The following SNTG1 variants were observed in gnomAD, a reference collection of about 807,000 sequenced individuals.
The protein encoded by SNTG1 is syntrophin gamma 1.
SNTG1 carries 39 observed loss-of-function variants against 74.7 expected under a neutral mutation model. That is an observed-to-expected ratio of 0.52 (90% CI 0.40 to 0.68). The LOEUF (loss-of-function observed/expected upper bound fraction) is 0.68. Among genes scored for constraint, SNTG1 ranks in the 30% least tolerant of loss-of-function variants. The probability of loss-of-function intolerance (pLI) is 0.00; values close to 1 mark genes in which losing one functional copy is unlikely to be tolerated. For missense variants in SNTG1, 685 were observed against 609.5 expected, an observed-to-expected ratio of 1.12 and a Z score of -1.30; for synonymous variants, 254 against 217.1, an observed-to-expected ratio of 1.17 and a Z score of -1.49.
chr8:50,565,093 C>T (rs2094508736), intron 12 of SNTG1, among the ~76,000 whole-genome samples: 1 of 152,018 alleles, frequency 6.6e-6, no homozygotes, highest in Admixed American at 6.6e-5. Flanking sequence ...ATCCTAGTCT[C>T]ATCATGGAAA....
At chr8:49,991,266 C>T (rs1221338884) in intron 1 of SNTG1, among the ~76,000 whole-genome samples, 2 of 151,942 alleles carry the variant, frequency 1.3e-5, no homozygotes, top group African/African-American at 2.4e-5. Flanking sequence ...CACTAGGATG[C>T]CTGTGATCAA....
At chr8:50,229,167 A>G (rs1251541836) in intron 2 of SNTG1, among the ~76,000 whole-genome samples, 2 of 151,648 alleles carry the variant, frequency 1.3e-5, no homozygotes, top group South Asian at 2.1e-4. Flanking sequence ...AAAATGCTCA[A>G]TTAAAACCCA....
intron 1 of SNTG1, among the ~76,000 whole-genome samples, chr8:49,942,137 A>G (rs1808748693): frequency 6.6e-6 from 1 of 152,192 alleles, no homozygotes; most frequent in South Asian, 2.1e-4. Context: ...TAAAGGTAAT[A>G]TTGTAAACCT....
intron 2 of SNTG1, among the ~76,000 whole-genome samples, chr8:50,333,988 C>A (rs2091055386): frequency 6.6e-6 from 1 of 152,150 alleles, no homozygotes; most frequent in Admixed American, 6.5e-5. Context: ...CCTCTGCCTC[C>A]CGGGTTCAAG....
At chr8:50,140,399 A>G (rs1044164028) in intron 1 of SNTG1, among the ~76,000 whole-genome samples, 14 of 152,054 alleles carry the variant, frequency 9.2e-5, no homozygotes, top group African/African-American at 3.1e-4. Context: ...CATCTTGAAC[A>G]TGTGTGTGTC....
intron 13 of SNTG1, among the ~76,000 whole-genome samples, chr8:50,636,840 A>G (rs1275500953): frequency 6.6e-6 from 1 of 152,176 alleles, no homozygotes; most frequent in Admixed American, 6.5e-5. Context: ...CTATTCAGCC[A>G]TCTTGCTCCA....
chr8:50,315,882 C>T (rs12335244), intron 2 of SNTG1, among the ~76,000 whole-genome samples: 128,169 of 152,148 alleles, frequency 0.84, 55,510 homozygotes, highest in East Asian at 1. Flanking sequence ...GTCTACCTTT[C>T]AGATTTTCAT....
At chr8:50,535,911 A>G (rs2094303836) in intron 10 of SNTG1, among the ~76,000 whole-genome samples, 1 of 152,192 alleles carries the variant, frequency 6.6e-6, no homozygotes, top group Non-Finnish European at 1.5e-5. Flanking sequence ...TTAAATATTA[A>G]TATTATTTGA....
intron 2 of SNTG1, among the ~76,000 whole-genome samples, chr8:50,181,373 C>G (rs74937307): frequency 0.037 from 5,668 of 152,148 alleles, 352 homozygotes; most frequent in African/African-American, 0.13. Flanking sequence ...TTATTAATTG[C>G]TTTAATATAA....
intron 15 of SNTG1, among the ~76,000 whole-genome samples, chr8:50,688,664 G>A (rs984414334): frequency 3.9e-5 from 6 of 152,162 alleles, no homozygotes; most frequent in Non-Finnish European, 7.3e-5. Flanking sequence ...CTGTAGCCTT[G>A]TAGTATAGTA....
intron 1 of SNTG1, among the ~76,000 whole-genome samples, chr8:50,040,474 C>T (rs1430957149): frequency 6.6e-6 from 1 of 152,068 alleles, no homozygotes; most frequent in Non-Finnish European, 1.5e-5. Context: ...TTAGTGGCCA[C>T]TTGGAATGTG....
chr8:50,245,962 C>T (rs978575280), intron 2 of SNTG1, among the ~76,000 whole-genome samples: 1 of 151,770 alleles, frequency 6.6e-6, no homozygotes, highest in East Asian at 1.9e-4. Flanking sequence ...AGGGTAACCG[C>T]TAAACAATTA....
intron 1 of SNTG1, among the ~76,000 whole-genome samples, chr8:49,922,228 A>G (rs1219097234): frequency 6.6e-6 from 1 of 152,138 alleles, no homozygotes; most frequent in African/African-American, 2.4e-5. Context: ...CTTTTGTCTG[A>G]TACTCAAATT....
chr8:50,269,591 A>G (rs2087668534), intron 2 of SNTG1, among the ~76,000 whole-genome samples: 1 of 152,222 alleles, frequency 6.6e-6, no homozygotes, highest in South Asian at 2.1e-4. Flanking sequence ...GCGTTTTAAC[A>G]TCCTCCACAG....
intron 15 of SNTG1, among the ~76,000 whole-genome samples, chr8:50,679,114 C>A (rs578208568): frequency 6.6e-6 from 1 of 152,134 alleles, no homozygotes; most frequent in South Asian, 2.1e-4. Context: ...GGATAACAGC[C>A]TGTGGGCTTC....
At chr8:50,195,888 G>A (rs1031111103) in intron 2 of SNTG1, among the ~76,000 whole-genome samples, 2 of 152,120 alleles carry the variant, frequency 1.3e-5, no homozygotes, top group African/African-American at 4.8e-5. Context: ...AATTCACAAT[G>A]AGAGTTTGCG....
At chr8:50,018,939 A>G (rs556554395) in intron 1 of SNTG1, among the ~76,000 whole-genome samples, 1 of 152,040 alleles carries the variant, frequency 6.6e-6, no homozygotes, top group Non-Finnish European at 1.5e-5. Context: ...AATTAAACAT[A>G]GAATTGTTAT....
chr8:50,504,902 C>A (rs2093993563), intron 9 of SNTG1, among the ~76,000 whole-genome samples: 1 of 152,034 alleles, frequency 6.6e-6, no homozygotes, highest in South Asian at 2.1e-4. Flanking sequence ...AGAAGAGTAG[C>A]CTTAAGTCTA....
At chr8:50,624,097 A>G (rs1298906535) in intron 13 of SNTG1, among the ~76,000 whole-genome samples, 1 of 151,984 alleles carries the variant, frequency 6.6e-6, no homozygotes, top group Non-Finnish European at 1.5e-5. Context: ...TTCCTTAGAA[A>G]TTCTCTAACA....
Sources: gnomAD v4.1 joint callset for allele counts (sites outside exome capture counted in the v4.1 genomes callset) on GRCh38, gnomAD v4.1.1 for gene constraint, MANE v1.5 for transcripts, NCBI Gene and HGNC (gene_info 2026-07-23, HGNC 2026-07-21) for gene names.